Variants in ADAM29 observed in about 807,000 individuals in gnomAD.
ADAM29 encodes disintegrin and metalloproteinase domain-containing protein 29.
For missense variants in ADAM29, 969 were observed against 1,001.8 expected (o/e 0.97, Z 0.44); for synonymous variants, 367 against 342.3 (o/e 1.07, Z -0.80).
At chr4:174,973,472 ATT>A (rs1355089464) in intron 4 of ADAM29, among the ~76,000 whole-genome samples, 1 of 152,154 alleles carries the variant, frequency 6.6e-6, no homozygotes, top group African/African-American at 2.4e-5. Flanking sequence ...TACAAAGATA[ATT>A]TGTTCAAATT....
chr4:174,933,426 T>A (rs1379742208), intron 3 of ADAM29, among the ~76,000 whole-genome samples: 1 of 152,166 alleles, frequency 6.6e-6, no homozygotes, highest in Admixed American at 6.5e-5. Flanking sequence ...GCTTTTGTGA[T>A]ATGTTAAATC....
At chr4:174,920,973 C>T (rs1211411441) in intron 2 of ADAM29, among the ~76,000 whole-genome samples, 181 bp downstream of exon 2, 1 of 152,096 alleles carries the variant, frequency 6.6e-6, no homozygotes, top group Non-Finnish European at 1.5e-5. Context: ...TTGATCATTA[C>T]ACCAATGGGT....
intron 3 of ADAM29, among the ~76,000 whole-genome samples, chr4:174,936,466 ACTTC>A (rs1406481772): frequency 2.6e-5 from 4 of 151,964 alleles, no homozygotes; most frequent in African/African-American, 9.7e-5. Flanking sequence ...TCCTAAATTG[ACTTC>A]CTTTATGTTC....
At position 174,931,075 on chromosome 4, in the gene ADAM29, C is replaced by T. The variant is rs972838897; in HGVS notation, c.-361C>T. The T allele has an allele frequency of 6.6e-6, 1 of 152,156 alleles. No homozygotes were observed. Among genetic ancestry groups the T allele is most frequent in the Admixed American group, 6.5e-5 (1 of 15,270 alleles). 9.4% of individuals were successfully genotyped at this position (152,156 alleles called of 1,614,324 possible). A position where few individuals can be genotyped will look rare whatever the true frequency, so the allele number is the denominator to read the frequency against. ...CATAGTGCATAACTCGTCAATACTC[C>T]TGTGATCGTATAACCATCAGCAAGA... On this transcript the variant is annotated 5_prime_UTR_variant, in exon 3 of 5. Coordinates refer to ENST00000359240, the MANE Select transcript of ADAM29 (RefSeq NM_014269.4).
chr4:174,933,005 G>A lies in ADAM29; in HGVS notation c.-262+1831G>A, dbSNP rs1430532304. On this transcript the variant is annotated intron_variant, in intron 3 of 4. Coordinates refer to ENST00000359240, the MANE Select transcript of ADAM29 (RefSeq NM_014269.4). ...GGTCCCATGTGATTTGGTCAGATAAGAGGAGCAATCTCACATTTCCTTAAC... is the reference window on the plus strand; with the variant it reads ...GGTCCCATGTGATTTGGTCAGATAAAAGGAGCAATCTCACATTTCCTTAAC... Among the ~76,000 whole-genome samples, 5 of 152,310 alleles carry A rather than the reference G, an allele frequency of 3.3e-5. No individual in the cohort carries two copies. The East Asian group carries it at 9.7e-4, about 29-fold the overall frequency.
At chr4:174,973,732 T>C (rs142561905) in intron 4 of ADAM29, among the ~76,000 whole-genome samples, 152 of 152,344 alleles carry the variant, frequency 1.0e-3, no homozygotes, top group African/African-American at 3.2e-3. Context: ...TGAAGGGGTT[T>C]CAGCTCAATC....
intron 4 of ADAM29, among the ~76,000 whole-genome samples, chr4:174,938,274 A>G (rs1744315956): frequency 6.6e-6 from 1 of 152,128 alleles, no homozygotes; most frequent in Non-Finnish European, 1.5e-5. Context: ...TGTGGAAGAT[A>G]TAAAACTACA....
At chr4:174,928,462 G>A (rs1193432762) in intron 2 of ADAM29, among the ~76,000 whole-genome samples, 1 of 151,076 alleles carries the variant, frequency 6.6e-6, no homozygotes, top group African/African-American at 2.4e-5. Context: ...GGAGCTGTGC[G>A]GATGTCACAA....
chr4:174,940,260 C>T (rs1486033019), intron 4 of ADAM29, among the ~76,000 whole-genome samples: 2 of 152,102 alleles, frequency 1.3e-5, no homozygotes, highest in Non-Finnish European at 2.9e-5. Context: ...TTGTTCACAT[C>T]AGCTTATTTA....
chr4:174,971,967 A>G (rs1264287421), intron 4 of ADAM29, among the ~76,000 whole-genome samples: 1 of 152,134 alleles, frequency 6.6e-6, no homozygotes, highest in Non-Finnish European at 1.5e-5. Flanking sequence ...TGCTTCGCCT[A>G]GTCCATTGCT....
At chr4:174,955,102 T>TC (rs1745424186) in intron 4 of ADAM29, among the ~76,000 whole-genome samples, 5 of 152,052 alleles carry the variant, frequency 3.3e-5, no homozygotes, top group Non-Finnish European at 7.4e-5. Context: ...CAAAATGTAA[T>TC]ATCAGAGATA....
At position 174,977,518 on chromosome 4, in the gene ADAM29, G is replaced by A; in HGVS notation, c.1993G>A (p.Gly665Ser). 6 of 1,614,128 alleles carry A rather than the reference G, an allele frequency of 3.7e-6. No individual in the cohort carries two copies. Among genetic ancestry groups the A allele is most frequent in the Non-Finnish European group, 5.1e-6 (6 of 1,180,034 alleles). ...IKGYGGSVDS[G>S]PPPKRKKKKK... ...AGGCTATGGAGGTAGTGTTGACAGTGGCCCACCCCCTAAGAGAAAGAAGAA... is the reference window on the plus strand; with the variant it reads ...AGGCTATGGAGGTAGTGTTGACAGTAGCCCACCCCCTAAGAGAAAGAAGAA... The change falls in exon 5 of 5, where the codon GGC becomes AGC. Residue 665 changes from glycine to serine, a missense_variant. Transcript: ENST00000359240.
At chr4:174,925,986 T>G (rs1179452329) in intron 2 of ADAM29, among the ~76,000 whole-genome samples, 3 of 152,182 alleles carry the variant, frequency 2.0e-5, no homozygotes, top group Admixed American at 6.5e-5. Context: ...TTCTTTCAAA[T>G]CATTTTAAAA....
chr4:174,961,156 G>A (rs1297533615), intron 4 of ADAM29, among the ~76,000 whole-genome samples: 4 of 151,772 alleles, frequency 2.6e-5, no homozygotes, highest in African/African-American at 9.7e-5. Flanking sequence ...TGTTAAATTT[G>A]TTGTAATATT....
chr4:174,949,564 G>A lies in ADAM29; in HGVS notation c.-181+12551G>A, dbSNP rs1745052005. 2.6e-5 allele frequency among the ~76,000 whole-genome samples: 4 copies of A among 152,036 alleles called. No individual in the cohort carries two copies. In the South Asian group the frequency reaches 8.3e-4, roughly 32 times the overall value. The stretch of plus-strand genomic sequence containing the variant: ...TCCTGGTGCTTATCTACCCTGTGCA[G>A]GGTTCTCAGCTTTCTCCCCATTCAG... On this transcript the variant is annotated intron_variant, in intron 4 of 4. Coordinates refer to ENST00000359240, the MANE Select transcript of ADAM29 (RefSeq NM_014269.4).
At chr4:174,935,499 C>A (rs1017630862) in intron 3 of ADAM29, among the ~76,000 whole-genome samples, 1 of 151,994 alleles carries the variant, frequency 6.6e-6, no homozygotes, top group Non-Finnish European at 1.5e-5. Context: ...TCATAGTGAA[C>A]GTCTAGTAAG....
At chr4:174,949,059 G>A (rs1745014117) in intron 4 of ADAM29, among the ~76,000 whole-genome samples, 1 of 152,120 alleles carries the variant, frequency 6.6e-6, no homozygotes. Flanking sequence ...CCAACAGTCA[G>A]GCATGGTCTT....
chr4:174,953,427 C>T (rs931186158), intron 4 of ADAM29, among the ~76,000 whole-genome samples: 2 of 152,068 alleles, frequency 1.3e-5, no homozygotes, highest in Non-Finnish European at 2.9e-5. Flanking sequence ...AACAAAAGGG[C>T]CTGGAATAAA....
At chr4:174,964,937 A>G (rs1228368333) in intron 4 of ADAM29, among the ~76,000 whole-genome samples, 3 of 152,108 alleles carry the variant, frequency 2.0e-5, no homozygotes, top group Non-Finnish European at 4.4e-5. Context: ...ACAGAAAATC[A>G]ATGAACAGGA....
Sources: allele counts gnomAD v4.1 joint callset (sites outside exome capture counted in the v4.1 genomes callset), GRCh38; gene constraint gnomAD v4.1.1; transcripts MANE v1.5; gene names NCBI Gene and HGNC (gene_info 2026-07-23, HGNC 2026-07-21).